AOPEP: variants seen among roughly 807,000 people sequenced by gnomAD.
AOPEP encodes aminopeptidase O.
AOPEP carries 77 observed loss-of-function variants against 98.1 expected under a neutral mutation model. The observed-to-expected ratio is 0.78, with a 90% CI of 0.65 to 0.95. The LOEUF (loss-of-function observed/expected upper bound fraction) is 0.95. AOPEP is among the 40% of genes least tolerant of loss of function. The pLI is 0.00. For synonymous variants in AOPEP, 346 were observed against 365.3 expected (o/e 0.95, Z 0.60); for missense variants, 1,024 against 1,024.7 (o/e 1.00, Z 0.01).
intron 2 of AOPEP, among the ~76,000 whole-genome samples, chr9:94,771,008 C>T (rs1840742124): frequency 6.6e-6 from 1 of 152,104 alleles, no homozygotes; most frequent in Non-Finnish European, 1.5e-5. Context: ...TCTTCCTGCA[C>T]AGTATTTCTC....
At chr9:95,126,409 G>A in the AOPEP span, 2 of 974,436 alleles carry the variant, frequency 2.1e-6, no homozygotes, top group Non-Finnish European at 3.2e-6. Context: ...GAACAGGAGG[G>A]AATCAGAAAC....
At chr9:94,860,947 C>T (rs1453837193) in intron 5 of AOPEP, among the ~76,000 whole-genome samples, 2 of 152,114 alleles carry the variant, frequency 1.3e-5, no homozygotes, top group African/African-American at 4.8e-5. Flanking sequence ...GATAAATAAA[C>T]CTCTTAGGGC....
At chr9:95,084,533 G>A (rs73654511) in intron 16 of AOPEP, among the ~76,000 whole-genome samples, 2,372 of 152,238 alleles carry the variant, frequency 0.016, 62 homozygotes, top group African/African-American at 0.054. Flanking sequence ...TTTCTCTTTC[G>A]TTTTGTTATT....
intron 1 of AOPEP, among the ~76,000 whole-genome samples, chr9:94,750,814 C>G (rs1019423548): frequency 3.7e-5 from 5 of 135,466 alleles, no homozygotes; most frequent in Admixed American, 1.6e-4. Context: ...GTGGCTCAAT[C>G]TCGGCTCACT....
At chr9:94,803,996 T>C (rs906788035) in intron 5 of AOPEP, among the ~76,000 whole-genome samples, 1 of 152,232 alleles carries the variant, frequency 6.6e-6, no homozygotes, top group African/African-American at 2.4e-5. Flanking sequence ...GCATTTAAAA[T>C]GCATCTCTGA....
rs576545794 is a variant in AOPEP at position 94,890,234 on chromosome 9, G to GCT, written c.1365-33749_1365-33748dup. ...TTGTTTTTTTTTGAAACGGAGCCTT[G>GCT]CTCTGTCACCCAGGCTGGAGCGCAG... On this transcript the variant is annotated intron_variant, in intron 5 of 16. Transcript: ENST00000375315. 3.4e-4 allele frequency among the ~76,000 whole-genome samples: 51 copies of GCT among 148,768 alleles called. No individual in the cohort carries two copies. In the East Asian group the frequency reaches 7.7e-3, roughly 23 times the overall value.
Position 94,766,409 on chromosome 9 carries a change from C to T in AOPEP, c.797+5829C>T, listed in dbSNP as rs374321205. On this transcript the variant is annotated intron_variant, in intron 2 of 16. Transcript: ENST00000375315. Reference sequence around the variant, plus strand: ...AAAATTAGCCGGGCGTGGTGGCGGGCGCCCGTTGTCCCAGCTACTTGGGAG... The same window carrying T: ...AAAATTAGCCGGGCGTGGTGGCGGGTGCCCGTTGTCCCAGCTACTTGGGAG... Among the ~76,000 whole-genome samples, 68 of 152,254 alleles carry T rather than the reference C, an allele frequency of 4.5e-4. 1 individual carries two copies. In the East Asian group the frequency reaches 0.012, roughly 26 times the overall value.
intron 5 of AOPEP, among the ~76,000 whole-genome samples, chr9:94,898,892 G>A (rs2049968077): frequency 7.1e-6 from 1 of 140,558 alleles, no homozygotes; most frequent in African/African-American, 2.6e-5. Context: ...GCAGTGAGCC[G>A]AGATCACGCC....
chr9:95,008,074 C>A (rs1487545731), intron 13 of AOPEP, among the ~76,000 whole-genome samples: 2 of 152,126 alleles, frequency 1.3e-5, no homozygotes, highest in African/African-American at 4.8e-5. Context: ...TGATTTTATT[C>A]ATTTTGTATT....
the AOPEP span, among the ~76,000 whole-genome samples, chr9:95,108,639 A>G: frequency 6.6e-6 from 1 of 152,206 alleles, no homozygotes; most frequent in Non-Finnish European, 1.5e-5. Flanking sequence ...TTTTCTTTTT[A>G]AAGTATTTTT....
the AOPEP span, among the ~76,000 whole-genome samples, chr9:95,130,286 G>GTC: frequency 6.8e-6 from 1 of 146,798 alleles, no homozygotes; most frequent in Non-Finnish European, 1.5e-5. Context: ...CTGATTCTGT[G>GTC]TGTGTGTGTG....
chr9:95,128,486 T>G, the AOPEP span, among the ~76,000 whole-genome samples: 4 of 152,358 alleles, frequency 2.6e-5, no homozygotes, highest in African/African-American at 9.6e-5. Context: ...TTCTATAGGT[T>G]TGATGCTAGT....
intron 11 of AOPEP, chr9:95,004,855 G>C (rs2061832287): frequency 6.8e-6 from 1 of 147,686 alleles, no homozygotes; most frequent in South Asian, 1.9e-4. Context: ...TACAATGCCG[G>C]CGCGGGCGGG....
At chr9:94,754,773 G>C (rs2132315216) in intron 1 of AOPEP, among the ~76,000 whole-genome samples, 1 of 152,340 alleles carries the variant, frequency 6.6e-6, no homozygotes, top group East Asian at 1.9e-4. Flanking sequence ...TATAAAATGA[G>C]CCAGGATAAG....
chr9:94,884,539 G>A (rs2047957393), intron 5 of AOPEP, among the ~76,000 whole-genome samples: 1 of 152,190 alleles, frequency 6.6e-6, no homozygotes, highest in East Asian at 1.9e-4. Flanking sequence ...AGGCTCTGGA[G>A]CAGGACCGCA....
chr9:94,857,034 T>G (rs1029594037), intron 5 of AOPEP, among the ~76,000 whole-genome samples: 1 of 152,268 alleles, frequency 6.6e-6, no homozygotes, highest in Non-Finnish European at 1.5e-5. Context: ...TAAAAGTTCT[T>G]TCCTGCTCTG....
At chr9:94,762,453 A>G (rs1231524188) in intron 2 of AOPEP, among the ~76,000 whole-genome samples, 2 of 140,826 alleles carry the variant, frequency 1.4e-5, no homozygotes, top group African/African-American at 2.7e-5. Context: ...TCTCAAAAAG[A>G]AAAAAAAAAA....
At chr9:94,906,590 C>G (rs1449715829) in intron 5 of AOPEP, among the ~76,000 whole-genome samples, 1 of 152,064 alleles carries the variant, frequency 6.6e-6, no homozygotes, top group African/African-American at 2.4e-5. Flanking sequence ...ATTGCTTGAG[C>G]CCAGGAGTTC....
chr9:95,060,435 T>A (rs1035122035), intron 13 of AOPEP, among the ~76,000 whole-genome samples: 1 of 152,214 alleles, frequency 6.6e-6, no homozygotes, highest in Non-Finnish European at 1.5e-5. Context: ...ACAGTTTTGA[T>A]CTGCTCTAAG....
Sources: allele counts gnomAD v4.1 joint callset (sites outside exome capture counted in the v4.1 genomes callset), GRCh38; gene constraint gnomAD v4.1.1; transcripts MANE v1.5; gene names NCBI Gene and HGNC (gene_info 2026-07-23, HGNC 2026-07-21).